The following SRPK2 variants were observed in gnomAD, a reference collection of about 807,000 sequenced individuals.
The protein encoded by SRPK2 is SFRS protein kinase 2.
A neutral mutation model predicts 90.8 loss-of-function variants in SRPK2; 21 were observed. The observed-to-expected ratio is 0.23, with a 90% confidence interval of 0.16 to 0.33. The LOEUF (loss-of-function observed/expected upper bound fraction) is 0.33, where lower values mean the gene tolerates loss of function less well. Ranked by LOEUF, SRPK2 falls within the 10% of genes least tolerant of loss-of-function variation. The pLI is 1.00. For synonymous variants in SRPK2, 288 were observed against 311.1 expected, an observed-to-expected ratio of 0.93 and a Z score of 0.78; for missense variants, 620 against 869.0, an observed-to-expected ratio of 0.71 and a Z score of 3.60.
At chr7:105,140,023 T>G (rs554088201) in intron 11 of SRPK2, among the ~76,000 whole-genome samples, 1 of 152,142 alleles carries the variant, frequency 6.6e-6, no homozygotes, top group African/African-American at 2.4e-5. Flanking sequence ...TATCTTCCTA[T>G]ACACTTTAGT....
chr7:105,189,934 G>GTGA (rs1347438908), intron 3 of SRPK2: 1 of 152,402 alleles, frequency 6.6e-6, no homozygotes, highest in East Asian at 1.9e-4. Flanking sequence ...ACGCTGTGGC[G>GTGA]TGATGGCATG....
intron 2 of SRPK2, among the ~76,000 whole-genome samples, chr7:105,265,137 C>T (rs910632850): frequency 6.6e-6 from 1 of 152,064 alleles, no homozygotes; most frequent in African/African-American, 2.4e-5. Context: ...TTTCTCTTCA[C>T]CTAAAAAGCA....
chr7:105,163,678 G>A (rs933787367), intron 6 of SRPK2, among the ~76,000 whole-genome samples: 4 of 152,162 alleles, frequency 2.6e-5, no homozygotes, highest in African/African-American at 4.8e-5. Context: ...GGGCGTGGTG[G>A]CACATGCCTG....
intron 2 of SRPK2, among the ~76,000 whole-genome samples, chr7:105,358,676 A>C (rs946259647): frequency 3.3e-5 from 5 of 152,146 alleles, no homozygotes; most frequent in Non-Finnish European, 7.4e-5. Flanking sequence ...ACAGAACAAG[A>C]GACCCTGTCT....
chr7:105,276,923 T>C (rs1806579038), intron 2 of SRPK2, among the ~76,000 whole-genome samples: 1 of 152,094 alleles, frequency 6.6e-6, no homozygotes, highest in South Asian at 2.1e-4. Flanking sequence ...ACCTTAATGC[T>C]CCACTATTCT....
chr7:105,329,543 G>A (rs1327838238), intron 2 of SRPK2, among the ~76,000 whole-genome samples: 6 of 150,034 alleles, frequency 4.0e-5, no homozygotes, highest in African/African-American at 9.8e-5. Flanking sequence ...GCAGTGAGCC[G>A]AGATCGCACC....
intron 2 of SRPK2, among the ~76,000 whole-genome samples, chr7:105,233,079 G>A (rs866228950): frequency 8.0e-6 from 1 of 125,352 alleles, no homozygotes; most frequent in South Asian, 2.7e-4. Context: ...AGGAAGGAAG[G>A]AAAGGAAGGA....
Position 105,145,129 on chromosome 7 carries a change from T to C in SRPK2, c.813+154A>G, listed in dbSNP as rs912959636. Among the ~76,000 whole-genome samples, 23 of 146,018 alleles carry C rather than the reference T, an allele frequency of 1.6e-4. 1 individual carries two copies. The highest frequency in any genetic ancestry group is 5.3e-4 in the African/African-American group (21 of 39,732). On this transcript the variant is annotated intron_variant, in intron 9 of 15. Coordinates refer to ENST00000393651, the MANE Select transcript of SRPK2 (RefSeq NM_182692.3). ...TTTCAAAAAAAAAAAAAAAAAAAAT[T>C]AACAAGACATTAAGTCTTACCTATT...
intron 3 of SRPK2, among the ~76,000 whole-genome samples, chr7:105,196,701 C>T (rs1403009308): frequency 6.6e-6 from 1 of 152,206 alleles, no homozygotes; most frequent in Non-Finnish European, 1.5e-5. Flanking sequence ...ATTCTTTTTA[C>T]TGTACAAATA....
chr7:105,228,024 A>G (rs1407894552), intron 2 of SRPK2, among the ~76,000 whole-genome samples: 1 of 152,182 alleles, frequency 6.6e-6, no homozygotes, highest in East Asian at 1.9e-4. Flanking sequence ...AACAAATATA[A>G]ATGGTGAAAA....
chr7:105,270,178 G>A (rs1450620160), intron 2 of SRPK2, among the ~76,000 whole-genome samples: 1 of 152,078 alleles, frequency 6.6e-6, no homozygotes, highest in Admixed American at 6.5e-5. Flanking sequence ...TTATAAAAGC[G>A]GCATGAATAC....
At chr7:105,300,710 TG>T (rs1810437817) in intron 2 of SRPK2, among the ~76,000 whole-genome samples, 1 of 152,114 alleles carries the variant, frequency 6.6e-6, no homozygotes, top group Non-Finnish European at 1.5e-5. Flanking sequence ...GCAACGGATA[TG>T]AACAGACACT....
intron 2 of SRPK2, among the ~76,000 whole-genome samples, chr7:105,211,528 C>T (rs1028622884): frequency 6.6e-6 from 1 of 151,996 alleles, no homozygotes; most frequent in South Asian, 2.1e-4. Flanking sequence ...GGGGTGCAGG[C>T]GCAACACAGT....
intron 3 of SRPK2, among the ~76,000 whole-genome samples, chr7:105,170,553 G>A (rs1790681567): frequency 6.6e-6 from 1 of 151,480 alleles, no homozygotes; most frequent in Admixed American, 6.6e-5. Context: ...AATTAGTCAG[G>A]TGTGCTGGCG....
At chr7:105,120,127 A>G (rs534191532) in intron 15 of SRPK2, among the ~76,000 whole-genome samples, 1 of 152,348 alleles carries the variant, frequency 6.6e-6, no homozygotes, top group South Asian at 2.1e-4. Flanking sequence ...ATCTCACCAC[A>G]GCAACAGTTA....
intron 7 of SRPK2, among the ~76,000 whole-genome samples, chr7:105,150,098 A>G (rs1006510693): frequency 6.6e-6 from 1 of 152,232 alleles, no homozygotes; most frequent in African/African-American, 2.4e-5. Context: ...ATGATTTAAT[A>G]AGATACTGAC....
At chr7:105,359,150 C>CTTTTTTTTTTTTTTTT (rs35765090) in intron 2 of SRPK2, among the ~76,000 whole-genome samples, 1 of 54,830 alleles carries the variant, frequency 1.8e-5, no homozygotes, top group East Asian at 6.9e-4. Flanking sequence ...CAAACCACAG[C>CTTTTTTTTTTTTTTTT]TTTTTTTTTT....
At chr7:105,389,043 A>AGCGCCCC, upstream of SRPK2, 1 of 858,294 alleles carries the variant, frequency 1.2e-6, no homozygotes, top group Non-Finnish European at 1.3e-6. Context: ...CCGCGCGCCC[A>AGCGCCCC]GCGCCCCGCG....
intron 7 of SRPK2, among the ~76,000 whole-genome samples, chr7:105,158,521 G>C (rs975576459): frequency 6.6e-6 from 1 of 152,152 alleles, no homozygotes; most frequent in Non-Finnish European, 1.5e-5. Context: ...CCAAAGTGCT[G>C]GGATTACAAG....
Sources: allele counts gnomAD v4.1 joint callset (sites outside exome capture counted in the v4.1 genomes callset), GRCh38; gene constraint gnomAD v4.1.1; transcripts MANE v1.5; gene names NCBI Gene and HGNC (gene_info 2026-07-23, HGNC 2026-07-21).